DRC9: variants seen among roughly 807,000 people sequenced by gnomAD.
DRC9 encodes dynein regulatory complex subunit 9.
the DRC9 span, chr3:197,951,369 T>C: frequency 6.4e-7 from 1 of 1,573,864 alleles, no homozygotes; most frequent in Non-Finnish European, 8.7e-7. Flanking sequence ...TTTTCTTTTT[T>C]ATATAACGGA....
chr3:197,891,651 C>T, the DRC9 span: 1 of 536,046 alleles, frequency 1.9e-6, no homozygotes, highest in Non-Finnish European at 3.3e-6. Context: ...AAAACATGCT[C>T]AATCTAAAGA....
the DRC9 span, among the ~76,000 whole-genome samples, chr3:197,901,712 G>C: frequency 6.6e-6 from 1 of 152,244 alleles, no homozygotes; most frequent in Admixed American, 6.5e-5. This position sits in a 1 kb window ranked among gnomAD's most constrained non-coding sequence, Gnocchi z 4.4. Context: ...AGCTGCAGGA[G>C]TTTAGAGCAT....
At chr3:197,910,545 G>A in the DRC9 span, among the ~76,000 whole-genome samples, 4 of 152,280 alleles carry the variant, frequency 2.6e-5, no homozygotes, top group Admixed American at 2.6e-4. Context: ...AGACCTGCAA[G>A]AGAGCATCTA....
At chr3:197,906,548 T>C in the DRC9 span, 1 of 152,188 alleles carries the variant, frequency 6.6e-6, no homozygotes, top group Admixed American at 6.5e-5. Context: ...AATCTCCCAT[T>C]TTGACTAGTG....
chr3:197,913,918 C>A, the DRC9 span: 51 of 1,614,000 alleles, frequency 3.2e-5, no homozygotes, highest in Non-Finnish European at 4.3e-5. Context: ...TGTTCTGTTA[C>A]ACTTTTTCTG....
the DRC9 span, among the ~76,000 whole-genome samples, chr3:197,911,922 G>A: frequency 1.3e-5 from 2 of 152,026 alleles, no homozygotes; most frequent in Non-Finnish European, 2.9e-5. Flanking sequence ...TTACAGGCGT[G>A]AGCCACCATG....
the DRC9 span, among the ~76,000 whole-genome samples, chr3:197,901,794 TG>T: frequency 6.6e-6 from 1 of 152,306 alleles, no homozygotes; most frequent in Non-Finnish European, 1.5e-5. This position sits in a 1 kb window ranked among gnomAD's most constrained non-coding sequence, Gnocchi z 4.4. Flanking sequence ...GCCCAGGGCC[TG>T]GGGGGACTGG....
At chr3:197,906,372 T>A in the DRC9 span, 1 of 152,064 alleles carries the variant, frequency 6.6e-6, no homozygotes, top group Non-Finnish European at 1.5e-5. Flanking sequence ...ACTCTCTCAA[T>A]GTATTCTACT....
the DRC9 span, among the ~76,000 whole-genome samples, chr3:197,940,340 A>G: frequency 2.7e-5 from 4 of 150,330 alleles, no homozygotes; most frequent in Non-Finnish European, 5.9e-5. Flanking sequence ...TATATTTTAT[A>G]TTGCACATGC....
the DRC9 span, chr3:197,959,026 G>A: frequency 6.6e-6 from 1 of 152,380 alleles, no homozygotes; most frequent in Non-Finnish European, 1.5e-5. Context: ...GGCCAACGTG[G>A]TGAAACTACG....
At chr3:197,899,541 G>C in the DRC9 span, among the ~76,000 whole-genome samples, 2 of 152,166 alleles carry the variant, frequency 1.3e-5, no homozygotes, top group South Asian at 4.1e-4. Context: ...GGGCAACACA[G>C]TGAGAACCCC....
At chr3:197,898,981 A>G in the DRC9 span, among the ~76,000 whole-genome samples, 1 of 152,226 alleles carries the variant, frequency 6.6e-6, no homozygotes, top group African/African-American at 2.4e-5. Flanking sequence ...CTACAGAAAT[A>G]AAGGACTTTT....
chr3:197,914,888 G>T, the DRC9 span, among the ~76,000 whole-genome samples: 2 of 152,140 alleles, frequency 1.3e-5, no homozygotes, highest in South Asian at 4.1e-4. Context: ...GCTTGGCCAG[G>T]CACGGGGGCT....
chr3:197,908,843 G>T, the DRC9 span, among the ~76,000 whole-genome samples: 1 of 148,376 alleles, frequency 6.7e-6, no homozygotes, highest in Admixed American at 6.7e-5. Flanking sequence ...TCACAGGGGT[G>T]ACTGTACCAG....
At chr3:197,955,978 CGAGT>C in the DRC9 span, 15 of 569,770 alleles carry the variant, frequency 2.6e-5, no homozygotes, top group Non-Finnish European at 4.4e-5. Context: ...GGTTTTAATG[CGAGT>C]ATCTTTGACA....
chr3:197,931,699 A>T, the DRC9 span, among the ~76,000 whole-genome samples: 1 of 151,668 alleles, frequency 6.6e-6, no homozygotes, highest in Non-Finnish European at 1.5e-5. Context: ...GCTCTGCCTC[A>T]CTACAAGCTC....
the DRC9 span, chr3:197,938,603 G>A: frequency 6.2e-7 from 1 of 1,614,008 alleles, no homozygotes; most frequent in Admixed American, 1.7e-5. Flanking sequence ...TGCCTTGTAG[G>A]TTTTTTGAAG....
the DRC9 span, among the ~76,000 whole-genome samples, chr3:197,915,405 G>C: frequency 6.6e-6 from 1 of 152,022 alleles, no homozygotes; most frequent in African/African-American, 2.4e-5. Flanking sequence ...GGACCCCGGA[G>C]ACCCAACTGA....
At chr3:197,914,966 C>A in the DRC9 span, among the ~76,000 whole-genome samples, 5 of 151,896 alleles carry the variant, frequency 3.3e-5, no homozygotes, top group Admixed American at 6.6e-5. Context: ...CAGTTTGAGA[C>A]CAGCCTGGCC....
Sources: allele counts gnomAD v4.1 joint callset (sites outside exome capture counted in the v4.1 genomes callset), GRCh38; gene constraint gnomAD v4.1.1; non-coding constraint Gnocchi (gnomAD v3.1); transcripts MANE v1.5; gene names NCBI Gene and HGNC (gene_info 2026-07-23, HGNC 2026-07-21).